PCDH20: variants seen among roughly 807,000 people sequenced by gnomAD.
PCDH20 encodes protocadherin-20.
A neutral mutation model predicts 39.7 loss-of-function variants in PCDH20; 18 were observed. The observed-to-expected ratio is 0.45, with a 90% CI of 0.31 to 0.67. The LOEUF (loss-of-function observed/expected upper bound fraction) is 0.67, where lower values mean the gene tolerates loss of function less well. Ranked by LOEUF, PCDH20 falls within the 30% of genes least tolerant of loss-of-function variation. The pLI is 0.05. For synonymous variants in PCDH20, 495 were observed against 455.4 expected (o/e 1.09, Z -1.11); for missense variants, 1,161 against 1,167.4 (o/e 0.99, Z 0.08).
chr13:61,413,211 C>G (rs1871442346), exon 2 of PCDH20: 1 of 1,613,924 alleles, frequency 6.2e-7, no homozygotes, highest in Non-Finnish European at 8.5e-7. Context: ...GTGGTGGAGA[C>G]CCACCATCCT....
chr13:61,410,214 A>G (rs2138015892), exon 2 of PCDH20: 1 of 152,254 alleles, frequency 6.6e-6, no homozygotes, highest in South Asian at 2.1e-4. Context: ...TAAGTACAGT[A>G]TAACTTTCAT....
rs943566611 is a variant in PCDH20, at chr13:61,413,119, A to G, written c.980T>C (p.Val327Ala). ...CACTGTAGCATTCCCATACACAGTG[A>G]CATTGATTTGTGAGTCTGTGAAGAG... Residue 327 changes from valine to alanine, a missense_variant, in exon 2 of 2, where the codon GTC becomes GCC. Around this residue, in one of 3 missense-constraint regions of PCDH20, gnomAD observed 754 missense variants for 777.5 expected, o/e 0.97. Coordinates refer to ENST00000409204, the Ensembl canonical transcript of PCDH20. 3 of 1,614,072 alleles carry G rather than the reference A, an allele frequency of 1.9e-6. No homozygotes were observed. In the African/African-American group the frequency reaches 4.0e-5, roughly 22 times the overall value.
In PCDH20 at chr13:61,415,367, C is replaced by T. The variant is rs146213957; in HGVS notation, c.-209G>A. ...CGGACGCAGGTAACTCCATACTCTG[C>T]CAGAGGAGCTGGAATGGGGGACTTG... is the stretch of plus-strand genomic sequence containing the variant. On this transcript the variant is annotated 5_prime_UTR_variant, in exon 1 of 2. Coordinates refer to ENST00000409204, the Ensembl canonical transcript of PCDH20. 411 of 506,346 alleles carry T rather than the reference C, an allele frequency of 8.1e-4. 2 individuals carry two copies. The highest frequency in any genetic ancestry group is 7.5e-3 in the African/African-American group (378 of 50,488). The allele number at this position is 506,346 out of a possible 1,614,324, so 31.4% of individuals were successfully genotyped here.
chr13:61,415,197 G>A (rs1462976311), exon 1 of PCDH20: 4 of 1,345,338 alleles, frequency 3.0e-6, no homozygotes, highest in Non-Finnish European at 3.9e-6. Flanking sequence ...TTGAAGGGAG[G>A]GCGGCAGAAG....
chr13:61,413,092 C>T (rs1407379767), exon 2 of PCDH20: 11 of 1,614,166 alleles, frequency 6.8e-6, no homozygotes, highest in Non-Finnish European at 9.3e-6. Context: ...AATTGGGGTG[C>T]CCACTGTAGC....
chr13:61,412,021 A>G (rs926545552), exon 2 of PCDH20: 2 of 1,614,190 alleles, frequency 1.2e-6, no homozygotes, highest in Non-Finnish European at 1.7e-6. Flanking sequence ...AGCCCTCAGC[A>G]TACCCTTTCC....
At chr13:61,412,395 G>A (rs1269411527) in exon 2 of PCDH20, 1 of 1,614,104 alleles carries the variant, frequency 6.2e-7, no homozygotes, top group Non-Finnish European at 8.5e-7. Flanking sequence ...ATGAAACTTG[G>A]CCTCTCTCCT....
At chr13:61,414,678 T>A (rs962858767) in intron 1 of PCDH20, among the ~76,000 whole-genome samples, 2 of 152,006 alleles carry the variant, frequency 1.3e-5, no homozygotes, top group Non-Finnish European at 2.9e-5. Flanking sequence ...ACGCGGAAAA[T>A]GGCTATGCAA....
exon 2 of PCDH20, chr13:61,411,727 C>A (rs1174280229): frequency 6.2e-7 from 1 of 1,614,032 alleles, no homozygotes; most frequent in Admixed American, 1.7e-5. Context: ...GGACTCAGGC[C>A]TAGGACCTCT....
exon 1 of PCDH20, chr13:61,415,343 G>T (rs1871525406): frequency 1.6e-6 from 1 of 637,410 alleles, no homozygotes; most frequent in East Asian, 3.5e-5. Context: ...TTCCTGCCCC[G>T]GACGCAGGTA....
exon 2 of PCDH20, chr13:61,411,504 T>C: frequency 1.2e-6 from 2 of 1,614,172 alleles, no homozygotes; most frequent in Non-Finnish European, 1.7e-6. Flanking sequence ...CTTTCTCCTC[T>C]ATATTAATCT....
intron 1 of PCDH20, 133 bp from the exon 2 acceptor site, chr13:61,414,099 G>A (rs1389806901): frequency 3.8e-6 from 3 of 792,986 alleles, no homozygotes; most frequent in Non-Finnish European, 5.9e-6. Context: ...TTAGAACGGG[G>A]GCGGAGAAGA....
In PCDH20 at chr13:61,411,846, A is replaced by T; in HGVS notation, c.2253T>A (p.Tyr751Ter). Reference sequence around the variant, plus strand: ...GCAGAGTAGAAGGCAGTACTAACAGATAAGACATATTAGACTGAGGAAACA... The same window carrying T: ...GCAGAGTAGAAGGCAGTACTAACAGTTAAGACATATTAGACTGAGGAAACA... The change falls in exon 2 of 2, where the codon TAT (tyrosine) becomes TAA (stop). Residue 751 changes from tyrosine to a stop codon, truncating the protein, a stop_gained. Coordinates refer to ENST00000409204, the Ensembl canonical transcript of PCDH20. LOFTEE classifies it low-confidence loss of function (END_TRUNC). 6.2e-7 allele frequency: 1 copy of T among 1,614,190 alleles called. No homozygotes were observed.
chr13:61,412,481 T>C (rs1938699224), exon 2 of PCDH20: 2 of 1,614,200 alleles, frequency 1.2e-6, no homozygotes, highest in Non-Finnish European at 1.7e-6. Flanking sequence ...GTTAGTTCTA[T>C]TAAGGGTTGA....
exon 2 of PCDH20, chr13:61,412,064 C>T (rs1878256836): frequency 6.2e-7 from 1 of 1,614,044 alleles, no homozygotes; most frequent in African/African-American, 1.3e-5. Context: ...CTCTGGTTCA[C>T]CACAGAGAGG....
At chr13:61,411,149 C>T in exon 2 of PCDH20, 1 of 1,028,250 alleles carries the variant, frequency 9.7e-7, no homozygotes, top group South Asian at 1.6e-5. Flanking sequence ...AATTAGTTGT[C>T]CTTCATTGGA....
chr13:61,414,938 T>TA lies in PCDH20; in HGVS notation c.132+88dup. On this transcript the variant is annotated intron_variant, in intron 1 of 1. Transcript: ENST00000409204. ...CCTTCCCGTGAAGTTTAGATAAAGG[T>TA]AGAAGGTTTGAAAAACCATCCGAGT... The TA allele has an allele frequency of 2.3e-6, 3 of 1,279,028 alleles. 1 individual carries two copies. The highest frequency in any genetic ancestry group is 5.0e-5 in the South Asian group (2 of 39,686). The allele number at this position is 1,279,028 out of a possible 1,614,324, so 79.2% of individuals were successfully genotyped here. A position where few individuals can be genotyped will look rare whatever the true frequency, so the allele number is the denominator to read the frequency against.
exon 2 of PCDH20, chr13:61,411,233 C>T (rs372028690): frequency 2.9e-5 from 47 of 1,594,706 alleles, no homozygotes; most frequent in Admixed American, 1.5e-4. Flanking sequence ...TGTTATTCCA[C>T]CATGAAATAT....
chr13:61,414,114 T>A (rs4471571), intron 1 of PCDH20, 148 bp from the exon 2 acceptor site: 3 of 729,192 alleles, frequency 4.1e-6, no homozygotes, highest in Non-Finnish European at 6.6e-6. Flanking sequence ...AGAAGAACCC[T>A]GCTGCGAAGG....
Sources: allele counts gnomAD v4.1 joint callset (sites outside exome capture counted in the v4.1 genomes callset), GRCh38; gene constraint gnomAD v4.1.1; regional missense constraint gnomAD v4.1.1; transcripts MANE v1.5; gene names NCBI Gene and HGNC (gene_info 2026-07-23, HGNC 2026-07-21).